The following TACC2 variants were observed in gnomAD, a reference collection of about 807,000 sequenced individuals.
The protein encoded by TACC2 is transforming acidic coiled-coil-containing protein 2.
TACC2 carries 137 observed loss-of-function variants against 227.3 expected under a neutral mutation model. The observed-to-expected ratio is 0.60, with a 90% CI of 0.52 to 0.69. The LOEUF is 0.69. Ranked by LOEUF, TACC2 falls within the 30% of genes least tolerant of loss-of-function variation. TACC2 has a pLI of 0.00. For missense variants in TACC2, 3,470 were observed against 3,694.4 expected, an observed-to-expected ratio of 0.94 and a Z score of 1.57; for synonymous variants, 1,523 against 1,487.5, an observed-to-expected ratio of 1.02 and a Z score of -0.55.
intron 1 of TACC2, among the ~76,000 whole-genome samples, chr10:122,001,652 C>T (rs1216543097): frequency 1.3e-5 from 2 of 152,150 alleles, no homozygotes; most frequent in East Asian, 3.9e-4. Flanking sequence ...TGTCAGTGTT[C>T]AAATATCCCT....
chr10:122,197,974 G>C (rs1038861098), intron 8 of TACC2, among the ~76,000 whole-genome samples: 3 of 152,256 alleles, frequency 2.0e-5, no homozygotes, highest in African/African-American at 7.2e-5. Context: ...TAGGAAAGAA[G>C]GGTACCAGGG....
intron 2 of TACC2, among the ~76,000 whole-genome samples, chr10:122,030,930 T>G (rs11200354): frequency 0.37 from 55,691 of 151,702 alleles, 10,658 homozygotes; most frequent in South Asian, 0.6. Flanking sequence ...GCCTCCATAA[T>G]GCTCAGCCTC....
At chr10:121,992,773 G>A (rs1057356800) in intron 1 of TACC2, among the ~76,000 whole-genome samples, 4 of 151,862 alleles carry the variant, frequency 2.6e-5, no homozygotes, top group Admixed American at 6.6e-5. Flanking sequence ...TGGGCAACAC[G>A]GCGAAACCCC....
At chr10:122,073,437 GGAGAGGT>G (rs945546119) in intron 3 of TACC2, among the ~76,000 whole-genome samples, 9 of 152,078 alleles carry the variant, frequency 5.9e-5, no homozygotes, top group African/African-American at 2.2e-4. Context: ...ATCCCACCTG[GGAGAGGT>G]GAGAGGTGAG....
At chr10:122,158,923 A>G (rs56136182) in intron 7 of TACC2, among the ~76,000 whole-genome samples, 5 of 152,150 alleles carry the variant, frequency 3.3e-5, no homozygotes, top group Non-Finnish European at 7.3e-5. Context: ...GCATGTGTTT[A>G]TGGGGCTCTG....
intron 1 of TACC2, chr10:122,019,728 T>G (rs1342351678): frequency 1.3e-5 from 2 of 152,300 alleles, no homozygotes; most frequent in East Asian, 3.8e-4. Context: ...GCAGCTGGCT[T>G]GCACCAGTGC....
chr10:122,008,183 T>C (rs1955433045), intron 1 of TACC2, among the ~76,000 whole-genome samples: 1 of 141,532 alleles, frequency 7.1e-6, no homozygotes, highest in Non-Finnish European at 1.5e-5. Context: ...CATTTCTGCC[T>C]TTTTTTTCCC....
intron 5 of TACC2, among the ~76,000 whole-genome samples, chr10:122,095,428 C>T (rs2081271842): frequency 3.9e-5 from 6 of 152,214 alleles, no homozygotes; most frequent in Admixed American, 3.9e-4. Flanking sequence ...ATTGAGAGCA[C>T]CTGCCACAAG....
intron 11 of TACC2, among the ~76,000 whole-genome samples, chr10:122,222,840 A>G (rs1410015341): frequency 6.6e-6 from 1 of 152,194 alleles, no homozygotes; most frequent in African/African-American, 2.4e-5. Flanking sequence ...CTGTTACATC[A>G]TTTAGGGCAT....
chr10:122,221,733 A>T (rs948033891), intron 11 of TACC2, among the ~76,000 whole-genome samples: 3 of 152,208 alleles, frequency 2.0e-5, no homozygotes, highest in Admixed American at 1.3e-4. Flanking sequence ...TGTGTTACCC[A>T]TCGAAGGGTT....
At chr10:122,162,259 A>G (rs1214609560) in intron 7 of TACC2, among the ~76,000 whole-genome samples, 1 of 152,224 alleles carries the variant, frequency 6.6e-6, no homozygotes, top group East Asian at 1.9e-4. Flanking sequence ...AAGCTCTGGA[A>G]CTACTGTGAC....
chr10:122,204,509 C>G (rs967712214), intron 8 of TACC2, among the ~76,000 whole-genome samples: 33 of 152,150 alleles, frequency 2.2e-4, no homozygotes, highest in Non-Finnish European at 3.7e-4. Context: ...CTGGCTGACA[C>G]CAGAGAAGTG....
chr10:122,211,349 C>G lies in TACC2; in HGVS notation c.6924C>G (p.Pro2308=). ...PLRRPKMKKT[P]EKLDNTPASP... ...GGAGGCCAAAGATGAAAAAGACACC[C>G]GAGAAACTTGACAACACTCCTGCCT... Residue 2308 remains proline (P), a synonymous_variant, in exon 9 of 23, where the codon CCC becomes CCG. Transcript: ENST00000369005. 6.2e-7 allele frequency: 1 copy of G among 1,613,866 alleles called. No homozygotes were observed. The highest frequency in any genetic ancestry group is 1.3e-5 in the African/African-American group (1 of 74,988).
At chr10:122,047,100 C>T (rs1287574302) in intron 2 of TACC2, among the ~76,000 whole-genome samples, 1 of 151,250 alleles carries the variant, frequency 6.6e-6, no homozygotes, top group Non-Finnish European at 1.5e-5. Flanking sequence ...ACTAGCCTGG[C>T]CAATATGGTG....
chr10:122,061,569 T>C (rs2076828773), intron 3 of TACC2, among the ~76,000 whole-genome samples: 2 of 152,110 alleles, frequency 1.3e-5, no homozygotes, highest in South Asian at 4.1e-4. Context: ...GAGTTCTCCT[T>C]TCTGCTTCAG....
At position 122,087,246 on chromosome 10, in the gene TACC2, T is replaced by G; in HGVS notation, c.4746T>G (p.His1582Gln). ...ERAAAFQVAP[H>Q]SHGEEAVAQD... is the part of the protein sequence containing the mutation. ...CTGCTGCCTTCCAGGTGGCTCCCCA[T>G]AGCCATGGAGAAGAGGCCGTGGCCC... The change falls in exon 4 of 23, where the codon CAT becomes CAG. Residue 1582 changes from histidine to glutamine, a missense_variant. Physicochemically the swap from His to Gln is conservative, Grantham distance 24. Transcript: ENST00000369005. 3 of 1,613,708 alleles carry G rather than the reference T, an allele frequency of 1.9e-6. No individual in the cohort carries two copies. The highest frequency in any genetic ancestry group is 1.7e-6 in the Non-Finnish European group (2 of 1,180,016).
At chr10:122,105,944 C>CTCTGTGTGTG (rs370608973) in intron 5 of TACC2, among the ~76,000 whole-genome samples, 10 of 145,264 alleles carry the variant, frequency 6.9e-5, no homozygotes, top group African/African-American at 2.6e-4. Flanking sequence ...TTTTCTCTCT[C>CTCTGTGTGTG]TGTGTGTGTG....
At chr10:122,199,415 G>C (rs976555794) in intron 8 of TACC2, among the ~76,000 whole-genome samples, 2 of 152,218 alleles carry the variant, frequency 1.3e-5, no homozygotes, top group Non-Finnish European at 1.5e-5. Context: ...CGTATACACT[G>C]TCACCTGCTT....
Position 122,237,535 on chromosome 10 carries a change from A to G in TACC2, c.8268A>G (p.Ala2756=), listed in dbSNP as rs2141622046. 6.2e-7 allele frequency: 1 copy of G among 1,612,040 alleles called. No homozygotes were observed. Among genetic ancestry groups the G allele is most frequent in the Non-Finnish European group, 8.5e-7 (1 of 1,178,896 alleles). The part of the protein sequence containing the change: ...DLDSALQIAR[A]EIITKEREVS... ...ACTCTGCCCTCCAGATCGCCAGAGC[A>G]GAGGTATCGTGGCATGTGGTGTAAT... The change falls in exon 17 of 23, where the codon GCA becomes GCG. Residue 2756 remains alanine, a synonymous_variant. Coordinates refer to ENST00000369005, the MANE Select transcript of TACC2 (RefSeq NM_206862.4).
Sources: allele counts gnomAD v4.1 joint callset (sites outside exome capture counted in the v4.1 genomes callset), GRCh38; gene constraint gnomAD v4.1.1; transcripts MANE v1.5; gene names NCBI Gene and HGNC (gene_info 2026-07-23, HGNC 2026-07-21).